The following NRXN3 variants were observed in gnomAD, a reference collection of about 807,000 sequenced individuals.
NRXN3 encodes neurexin III.
In NRXN3, 32 loss-of-function variants were observed where a neutral mutation model predicts 137.6. That is an observed-to-expected ratio of 0.23 (90% CI 0.18 to 0.31). NRXN3 has a LOEUF of 0.31. Among genes scored for constraint, NRXN3 ranks in the 10% least tolerant of loss-of-function variants. NRXN3 has a pLI of 1.00. For missense variants in NRXN3, 1,574 were observed against 2,062.5 expected, an observed-to-expected ratio of 0.76 and a Z score of 4.59; for synonymous variants, 798 against 784.5, an observed-to-expected ratio of 1.02 and a Z score of -0.29.
chr14:79,260,641 C>T (rs1321819181), intron 15 of NRXN3, among the ~76,000 whole-genome samples: 3 of 152,186 alleles, frequency 2.0e-5, no homozygotes, highest in African/African-American at 7.2e-5. Context: ...ATATCATAGT[C>T]ACACCACCAC....
At chr14:78,905,117 G>A (rs1349226834) in intron 10 of NRXN3, among the ~76,000 whole-genome samples, 2 of 152,004 alleles carry the variant, frequency 1.3e-5, no homozygotes, top group African/African-American at 4.8e-5. Context: ...CCTGCACCCT[G>A]TCATCTTCAG....
chr14:78,586,907 T>G (rs879356929), intron 4 of NRXN3, among the ~76,000 whole-genome samples: 2 of 152,252 alleles, frequency 1.3e-5, no homozygotes, highest in Middle Eastern at 3.2e-3. Context: ...TGTGACAACA[T>G]TGGCTGGCAG....
intron 4 of NRXN3, among the ~76,000 whole-genome samples, chr14:78,390,068 T>G (rs556401352): frequency 1.3e-5 from 2 of 152,234 alleles, no homozygotes; most frequent in Non-Finnish European, 2.9e-5. Context: ...TCACTGATGC[T>G]TGTGTCAGTA....
intron 10 of NRXN3, among the ~76,000 whole-genome samples, chr14:78,811,572 A>G (rs2098913289): frequency 6.6e-6 from 1 of 152,246 alleles, no homozygotes; most frequent in South Asian, 2.1e-4. Flanking sequence ...GTAATTCTCC[A>G]TAGTATCTCA....
intron 10 of NRXN3, among the ~76,000 whole-genome samples, chr14:78,832,478 T>C (rs1376238005): frequency 6.6e-6 from 1 of 152,168 alleles, no homozygotes; most frequent in Non-Finnish European, 1.5e-5. Flanking sequence ...GCAACTAGGC[T>C]AAGTAAGCAT....
intron 6 of NRXN3, among the ~76,000 whole-genome samples, chr14:78,682,426 C>T (rs951209409): frequency 2.6e-4 from 39 of 151,564 alleles, no homozygotes; most frequent in African/African-American, 7.8e-4. Flanking sequence ...AAATAAAAGC[C>T]CCAAGGAACC....
chr14:78,973,926 G>A (rs2099454104), intron 14 of NRXN3, among the ~76,000 whole-genome samples: 1 of 152,128 alleles, frequency 6.6e-6, no homozygotes, highest in South Asian at 2.1e-4. Flanking sequence ...CTTGTTATAT[G>A]CCATGTAGCT....
intron 15 of NRXN3, among the ~76,000 whole-genome samples, chr14:79,286,196 T>C (rs921579526): frequency 6.6e-6 from 1 of 152,136 alleles, no homozygotes; most frequent in Non-Finnish European, 1.5e-5. Context: ...TTTCTTTACC[T>C]AGACCTGCTA....
chr14:79,471,324 A>C (rs560500281), intron 16 of NRXN3, among the ~76,000 whole-genome samples: 1 of 152,260 alleles, frequency 6.6e-6, no homozygotes, highest in African/African-American at 2.4e-5. Flanking sequence ...GGGCAAATCC[A>C]CAGGTAGGAG....
intron 8 of NRXN3, among the ~76,000 whole-genome samples, chr14:78,802,522 T>G (rs2153079695): frequency 6.6e-6 from 1 of 152,244 alleles, no homozygotes; most frequent in African/African-American, 2.4e-5. Flanking sequence ...ACCCTAAAAC[T>G]TAAAGTATAA....
chr14:78,772,450 A>C (rs1262006855), intron 8 of NRXN3, among the ~76,000 whole-genome samples: 1 of 152,210 alleles, frequency 6.6e-6, no homozygotes, highest in African/African-American at 2.4e-5. Flanking sequence ...GAAAAGTGGA[A>C]GAATGAGTCA....
intron 8 of NRXN3, among the ~76,000 whole-genome samples, chr14:78,795,059 A>G (rs1372771045): frequency 6.6e-6 from 1 of 152,290 alleles, no homozygotes; most frequent in East Asian, 1.9e-4. Flanking sequence ...GTGCCACTGC[A>G]CTCCAGCCTG....
intron 4 of NRXN3, among the ~76,000 whole-genome samples, chr14:78,633,285 T>C (rs568898256): frequency 6.9e-6 from 1 of 144,484 alleles, no homozygotes; most frequent in South Asian, 2.2e-4. Context: ...GGTAATAGCC[T>C]GAGATGAAGA....
At chr14:79,061,058 A>G (rs2099673640) in intron 15 of NRXN3, among the ~76,000 whole-genome samples, 1 of 152,218 alleles carries the variant, frequency 6.6e-6, no homozygotes, top group South Asian at 2.1e-4. Context: ...GCTTATACGT[A>G]GAAGTGGCTC....
At chr14:79,180,964 A>G (rs943121000) in intron 15 of NRXN3, among the ~76,000 whole-genome samples, 1 of 152,062 alleles carries the variant, frequency 6.6e-6, no homozygotes, top group African/African-American at 2.4e-5. Flanking sequence ...AAAAAGATAG[A>G]AATTTAGTAC....
intron 4 of NRXN3, among the ~76,000 whole-genome samples, chr14:78,444,294 C>T (rs540745617): frequency 7.9e-5 from 12 of 152,198 alleles, no homozygotes; most frequent in Non-Finnish European, 1.8e-4. Flanking sequence ...CTGTAGGTTA[C>T]TTAGCAGAGA....
intron 10 of NRXN3, among the ~76,000 whole-genome samples, chr14:78,907,376 T>G (rs1177442186): frequency 1.3e-5 from 2 of 152,066 alleles, no homozygotes; most frequent in Non-Finnish European, 2.9e-5. Flanking sequence ...GTTTTCTAGC[T>G]GGTCAGAGTG....
At chr14:78,606,914 G>A (rs1263912046) in intron 4 of NRXN3, among the ~76,000 whole-genome samples, 2 of 152,164 alleles carry the variant, frequency 1.3e-5, no homozygotes. Flanking sequence ...GAAATTGTGA[G>A]AAATATTTAT....
At position 78,926,718 on chromosome 14, in the gene NRXN3, T is replaced by C. The variant is rs1424577108; in HGVS notation, c.2276-30524T>C. Reference sequence around the variant, plus strand: ...TATAAAATATATATTATATATTATATAATTATATATAATATAAAATATATA... The same window carrying C: ...TATAAAATATATATTATATATTATACAATTATATATAATATAAAATATATA... On this transcript the variant is annotated intron_variant, in intron 10 of 20. Transcript: ENST00000335750. Among the ~76,000 whole-genome samples the C allele has an allele frequency of 3.8e-4, 32 of 83,174 alleles. 1 individual carries two copies. Among genetic ancestry groups the C allele is most frequent in the African/African-American group, 1.5e-3 (32 of 21,274 alleles). 54.6% of individuals were successfully genotyped at this position (83,174 alleles called of 152,430 possible).
Sources: gnomAD v4.1 joint callset for allele counts (sites outside exome capture counted in the v4.1 genomes callset) on GRCh38, gnomAD v4.1.1 for gene constraint, MANE v1.5 for transcripts, NCBI Gene and HGNC (gene_info 2026-07-23, HGNC 2026-07-21) for gene names.